Variants in LIPI observed in about 807,000 individuals in gnomAD.
The protein encoded by LIPI is lipase member I.
Under a neutral mutation model 50.6 loss-of-function variants are expected in LIPI, and 59 were observed. The observed-to-expected ratio is 1.16, with a 90% CI of 0.94 to 1.45. The LOEUF (loss-of-function observed/expected upper bound fraction) is 1.45. Ranked by LOEUF, LIPI falls within the 40% of genes most tolerant of loss-of-function variation. The probability of loss-of-function intolerance (pLI) is 0.00; values close to 1 mark genes in which losing one functional copy is unlikely to be tolerated. For synonymous variants in LIPI, 203 were observed against 178.2 expected, an observed-to-expected ratio of 1.14 and a Z score of -1.11; for missense variants, 586 against 536.3, an observed-to-expected ratio of 1.09 and a Z score of -0.92.
chr21:14,142,507 A>C (rs2017748681), intron 9 of LIPI, among the ~76,000 whole-genome samples: 1 of 150,332 alleles, frequency 6.7e-6, no homozygotes, highest in Non-Finnish European at 1.5e-5. Context: ...TTGTTGAGAC[A>C]GTGTCCTGCT....
chr21:14,186,454 C>T (rs2019460047), intron 2 of LIPI, among the ~76,000 whole-genome samples: 1 of 152,146 alleles, frequency 6.6e-6, no homozygotes, highest in African/African-American at 2.4e-5. Context: ...ATGAGTTATT[C>T]ATTTTTATTC....
intron 4 of LIPI, among the ~76,000 whole-genome samples, chr21:14,167,562 T>G (rs2018735810): frequency 6.6e-6 from 1 of 152,034 alleles, no homozygotes; most frequent in African/African-American, 2.4e-5. Flanking sequence ...TTCACGAAAA[T>G]CCACTGTTCT....
chr21:14,145,316 A>C (rs1384310807), intron 8 of LIPI, among the ~76,000 whole-genome samples: 1 of 152,190 alleles, frequency 6.6e-6, no homozygotes, highest in Non-Finnish European at 1.5e-5. Context: ...TAACTACCTG[A>C]AAAACTCCTT....
chr21:14,173,138 G>T (rs923413412), intron 4 of LIPI, among the ~76,000 whole-genome samples: 1 of 152,214 alleles, frequency 6.6e-6, no homozygotes, highest in African/African-American at 2.4e-5. Context: ...GGTGACCCCA[G>T]TGGATATTTG....
chr21:14,168,714 A>G (rs1194781432), intron 4 of LIPI, among the ~76,000 whole-genome samples: 3 of 152,220 alleles, frequency 2.0e-5, no homozygotes, highest in African/African-American at 7.2e-5. Flanking sequence ...TCCTGAAGGA[A>G]GCACTAAACA....
At chr21:14,176,753 G>T in intron 4 of LIPI, among the ~76,000 whole-genome samples, 1 of 139,910 alleles carries the variant, frequency 7.1e-6, no homozygotes, top group African/African-American at 2.7e-5. Context: ...CGCTAATAAT[G>T]CCCTCATAGC....
chr21:14,115,120 C>G (rs4816961), intron 9 of LIPI, among the ~76,000 whole-genome samples: 4 of 152,020 alleles, frequency 2.6e-5, no homozygotes, highest in East Asian at 3.9e-4. Flanking sequence ...TCCCCACCCC[C>G]CATAGTCTAA....
Position 14,189,196 on chromosome 21 carries a change from T to A in LIPI, c.270A>T (p.Pro90=). 2 of 1,614,168 alleles carry A rather than the reference T, an allele frequency of 1.2e-6. No homozygotes were observed. Among genetic ancestry groups the A allele is most frequent in the Non-Finnish European group, 1.7e-6 (2 of 1,180,002 alleles). ...TCCTTACGAAGTTCTGAAGCCATAA[T>A]GGGATGGAGCCTACTGGTCTGTATC... ...IHGYRPVGSI[P]LWLQNFVRIL... The change falls in exon 2 of 10, where the codon CCA becomes CCT. Residue 90 remains proline, a synonymous_variant. Transcript: ENST00000681601.
rs562050130 is a variant in LIPI, at chr21:14,153,015, T to C, written c.1007-331A>G. 4.6e-5 allele frequency among the ~76,000 whole-genome samples: 7 copies of C among 152,248 alleles called. No homozygotes were observed. In the South Asian group the frequency reaches 8.3e-4, roughly 18 times the overall value. On this transcript the variant is annotated intron_variant, in intron 7 of 9. Transcript: ENST00000681601. ...CAGAAATTAGGCCAATTAAGCAACT[T>C]TTACTTTTCAATAGCAGATCTAAGG...
intron 4 of LIPI, among the ~76,000 whole-genome samples, chr21:14,175,683 A>G (rs1238111050): frequency 4.6e-5 from 7 of 152,202 alleles, no homozygotes. Flanking sequence ...ATGTATGCAT[A>G]CCACAAGGAA....
At chr21:14,114,279 G>A (rs1234440163) in intron 9 of LIPI, among the ~76,000 whole-genome samples, 2 of 152,044 alleles carry the variant, frequency 1.3e-5, no homozygotes, top group Non-Finnish European at 2.9e-5. Flanking sequence ...TCTCCACCAG[G>A]TCCCTCTCAT....
At chr21:14,109,715 A>C (rs982389280) in intron 9 of LIPI, among the ~76,000 whole-genome samples, 3 of 152,064 alleles carry the variant, frequency 2.0e-5, no homozygotes, top group Non-Finnish European at 4.4e-5. Context: ...GTGCATATAT[A>C]GTAAATACAT....
At chr21:14,147,056 C>T (rs568191785) in intron 8 of LIPI, among the ~76,000 whole-genome samples, 20 of 152,214 alleles carry the variant, frequency 1.3e-4, no homozygotes, top group South Asian at 1.2e-3. Context: ...AGATTACAAG[C>T]GTGAGCCACC....
intron 9 of LIPI, chr21:14,144,006 A>T: frequency 5.7e-6 from 1 of 175,232 alleles, no homozygotes; most frequent in East Asian, 1.4e-4. Context: ...ACAGGTGACT[A>T]TAAAACTGCA....
intron 5 of LIPI, 26 bp from the exon 6 acceptor site, chr21:14,165,416 A>T: frequency 6.5e-7 from 1 of 1,547,454 alleles, no homozygotes; most frequent in Non-Finnish European, 8.9e-7. Flanking sequence ...AAAAACAAAG[A>T]ACTGTAGATG....
chr21:14,182,462 G>T (rs1331294428), intron 3 of LIPI, among the ~76,000 whole-genome samples: 1 of 152,106 alleles, frequency 6.6e-6, no homozygotes, highest in Admixed American at 6.6e-5. Flanking sequence ...TCTGGGAATT[G>T]TCAAAAAGAG....
intron 1 of LIPI, among the ~76,000 whole-genome samples, chr21:14,208,768 C>T (rs1312107756): frequency 1.3e-5 from 2 of 152,134 alleles, no homozygotes; most frequent in African/African-American, 4.8e-5. Context: ...AAAAATATTT[C>T]CTGGCTGGCT....
intron 4 of LIPI, among the ~76,000 whole-genome samples, chr21:14,172,490 G>A (rs919372752): frequency 1.3e-4 from 19 of 151,386 alleles, no homozygotes; most frequent in Non-Finnish European, 2.5e-4. Context: ...TGATAGACTG[G>A]ATTAAGAAAA....
intron 8 of LIPI, 100 bp from the exon 9 acceptor site, chr21:14,144,899 A>C (rs2017847742): frequency 2.8e-6 from 2 of 726,544 alleles, no homozygotes; most frequent in South Asian, 3.6e-5. Context: ...CAGAGAACAA[A>C]ATTATAGGGA....
Sources: allele counts gnomAD v4.1 joint callset (sites outside exome capture counted in the v4.1 genomes callset), GRCh38; gene constraint gnomAD v4.1.1; transcripts MANE v1.5; gene names NCBI Gene and HGNC (gene_info 2026-07-23, HGNC 2026-07-21).